B3GALT1: variants seen among roughly 807,000 people sequenced by gnomAD.
The protein encoded by B3GALT1 is beta-1,3-galactosyltransferase 1, also known as UDP-Gal:betaGlcNAc beta 1,3-galactosyltransferase, polypeptide 1.
Under a neutral mutation model 23.2 loss-of-function variants are expected in B3GALT1, and 10 were observed. The observed-to-expected ratio is 0.43, with a 90% confidence interval of 0.27 to 0.73. The LOEUF is 0.73. Among genes scored for constraint, B3GALT1 ranks in the 30% least tolerant of loss-of-function variants. The probability of loss-of-function intolerance (pLI) is 0.21; values close to 1 mark genes in which losing one functional copy is unlikely to be tolerated. For synonymous variants in B3GALT1, 156 were observed against 141.5 expected (o/e 1.10, Z -0.73); for missense variants, 299 against 405.4 (o/e 0.74, Z 2.25).
intron 1 of B3GALT1, among the ~76,000 whole-genome samples, chr2:167,401,788 A>C (rs1391836151): frequency 6.6e-6 from 1 of 152,186 alleles, no homozygotes; most frequent in Non-Finnish European, 1.5e-5. Flanking sequence ...CAAAACCGTG[A>C]AGGGAAGAGT....
intron 3 of B3GALT1, among the ~76,000 whole-genome samples, chr2:167,727,590 A>G (rs1369094274): frequency 6.6e-6 from 1 of 152,132 alleles, no homozygotes. Flanking sequence ...ATTCATCCAA[A>G]TCTCATCTAA....
intron 2 of B3GALT1, among the ~76,000 whole-genome samples, chr2:167,511,422 G>A (rs549392132): frequency 4.3e-4 from 65 of 152,220 alleles, no homozygotes; most frequent in African/African-American, 1.5e-3. Flanking sequence ...TCTCTCTCCT[G>A]TCACCACGTG....
chr2:167,554,977 C>CT (rs1455834614), intron 2 of B3GALT1, among the ~76,000 whole-genome samples: 1 of 152,170 alleles, frequency 6.6e-6, no homozygotes, highest in Non-Finnish European at 1.5e-5. Flanking sequence ...AAGGATGGCT[C>CT]TGTCTTCTGG....
In B3GALT1 at chr2:167,856,164, C is replaced by T. The variant is rs565679641; in HGVS notation, c.-229-12647C>T. ...TTTTGTTGTCATTAGCAAAACCTGT[C>T]CTATATGCCTACTAAGTTTGTCTAT... On this transcript the variant is annotated intron_variant, in intron 4 of 4. Coordinates refer to ENST00000392690, the MANE Select transcript of B3GALT1 (RefSeq NM_020981.4). Among the ~76,000 whole-genome samples, 97 of 152,236 alleles carry T rather than the reference C, an allele frequency of 6.4e-4. 1 individual carries two copies. Among genetic ancestry groups the T allele is most frequent in the African/African-American group, 2.2e-3 (91 of 41,552 alleles).
At chr2:167,515,156 G>A (rs1036130) in intron 2 of B3GALT1, among the ~76,000 whole-genome samples, 7,035 of 151,910 alleles carry the variant, frequency 0.046, 540 homozygotes, top group African/African-American at 0.16. Context: ...AAATAATATT[G>A]GGAAACAAAA....
At chr2:167,772,159 G>A (rs145454781) in intron 3 of B3GALT1, among the ~76,000 whole-genome samples, 1 of 152,198 alleles carries the variant, frequency 6.6e-6, no homozygotes, top group East Asian at 1.9e-4. Flanking sequence ...TAATTGACAA[G>A]GTGCAAGTAA....
At chr2:167,587,587 G>A (rs192017391) in intron 2 of B3GALT1, among the ~76,000 whole-genome samples, 57 of 152,196 alleles carry the variant, frequency 3.7e-4, no homozygotes, top group African/African-American at 1.2e-3. Context: ...CACTCCCAAG[G>A]TACTCCAAGA....
At chr2:167,415,840 T>A (rs966748044) in intron 1 of B3GALT1, among the ~76,000 whole-genome samples, 1 of 152,152 alleles carries the variant, frequency 6.6e-6, no homozygotes, top group Non-Finnish European at 1.5e-5. Context: ...TAGGGCTTTA[T>A]GGATTGTAGA....
chr2:167,406,457 G>T (rs534372007), intron 1 of B3GALT1, among the ~76,000 whole-genome samples: 6 of 152,066 alleles, frequency 3.9e-5, no homozygotes, highest in Non-Finnish European at 7.4e-5. Context: ...GATAGTAAAA[G>T]AATCCAGACT....
At chr2:167,392,045 G>C (rs971287497) in intron 1 of B3GALT1, among the ~76,000 whole-genome samples, 2 of 152,010 alleles carry the variant, frequency 1.3e-5, no homozygotes, top group African/African-American at 2.4e-5. Context: ...GGCGTCATCA[G>C]TTCTGGGTGT....
chr2:167,550,349 TAA>T (rs997246691), intron 2 of B3GALT1, among the ~76,000 whole-genome samples: 3 of 152,346 alleles, frequency 2.0e-5, no homozygotes, highest in African/African-American at 7.2e-5. Context: ...TAAAATGCAA[TAA>T]GTCTCCAGAA....
At chr2:167,716,087 T>A in intron 3 of B3GALT1, 1 of 1,549,506 alleles carries the variant, frequency 6.5e-7, no homozygotes, top group South Asian at 1.1e-5. Context: ...GCTCTGGCGG[T>A]CACCGCAGTT....
chr2:167,317,348 C>T lies in B3GALT1; in HGVS notation c.-511+24014C>T, dbSNP rs1460070379. The stretch of plus-strand genomic sequence containing the variant: ...GGAATCATGTGCAAATGGGGCTCAG[C>T]GAGCCTCTTGTGGGCTCCAAGTATG... On this transcript the variant is annotated intron_variant, in intron 1 of 4. Transcript: ENST00000392690. Among the ~76,000 whole-genome samples the T allele has an allele frequency of 4.6e-5, 7 of 152,048 alleles. No individual in the cohort carries two copies. The East Asian group carries it at 9.6e-4, about 21-fold the overall frequency.
chr2:167,354,892 A>C (rs1045187061), intron 1 of B3GALT1, among the ~76,000 whole-genome samples: 17 of 150,684 alleles, frequency 1.1e-4, no homozygotes, highest in Non-Finnish European at 2.9e-5. Context: ...CACTCATATT[A>C]TACATCAACC....
intron 1 of B3GALT1, among the ~76,000 whole-genome samples, chr2:167,397,877 G>A (rs1026957020): frequency 3.9e-5 from 6 of 152,038 alleles, no homozygotes; most frequent in African/African-American, 1.4e-4. Context: ...TCAAGCTGCT[G>A]CCAGAACCTA....
At chr2:167,668,465 T>C (rs567678606) in intron 3 of B3GALT1, among the ~76,000 whole-genome samples, 1 of 152,294 alleles carries the variant, frequency 6.6e-6, no homozygotes, top group East Asian at 1.9e-4. Flanking sequence ...CCTTGAGCTG[T>C]GGTGGGCTTC....
At chr2:167,782,557 C>T (rs1344566543) in intron 3 of B3GALT1, among the ~76,000 whole-genome samples, 1 of 152,206 alleles carries the variant, frequency 6.6e-6, no homozygotes, top group Non-Finnish European at 1.5e-5. Context: ...CAAACAAAAT[C>T]ACCTTCAGAC....
At chr2:167,390,893 T>G (rs1698007622) in intron 1 of B3GALT1, among the ~76,000 whole-genome samples, 1 of 152,220 alleles carries the variant, frequency 6.6e-6, no homozygotes, top group Non-Finnish European at 1.5e-5. Context: ...AACTACCACA[T>G]ATAGAGCATC....
chr2:167,774,725 T>G (rs1235662330), intron 3 of B3GALT1, among the ~76,000 whole-genome samples: 1 of 152,098 alleles, frequency 6.6e-6, no homozygotes, highest in Non-Finnish European at 1.5e-5. Context: ...CTCGAACTCC[T>G]GACCTCATGA....
Sources: gnomAD v4.1 joint callset for allele counts (sites outside exome capture counted in the v4.1 genomes callset) on GRCh38, gnomAD v4.1.1 for gene constraint, MANE v1.5 for transcripts, NCBI Gene and HGNC (gene_info 2026-07-23, HGNC 2026-07-21) for gene names.